MTUS2: variants seen among roughly 807,000 people sequenced by gnomAD.
The protein encoded by MTUS2 is microtubule-associated tumor suppressor candidate 2.
A neutral mutation model predicts 114.1 loss-of-function variants in MTUS2; 40 were observed. The observed-to-expected ratio is 0.35, with a 90% CI of 0.27 to 0.46. The LOEUF (loss-of-function observed/expected upper bound fraction) is 0.46. MTUS2 is among the 20% of genes least tolerant of loss of function. MTUS2 has a pLI of 1.00. For missense variants in MTUS2, 1,679 were observed against 1,705.4 expected, an observed-to-expected ratio of 0.98 and a Z score of 0.27; for synonymous variants, 688 against 672.0, an observed-to-expected ratio of 1.02 and a Z score of -0.37.
intron 2 of MTUS2, among the ~76,000 whole-genome samples, chr13:29,001,493 G>A (rs1885383084): frequency 6.6e-6 from 1 of 152,192 alleles, no homozygotes; most frequent in Non-Finnish European, 1.5e-5. Context: ...CTGAGCAAAT[G>A]GAAGGATGAG....
chr13:29,119,292 G>T (rs775792007), intron 5 of MTUS2, among the ~76,000 whole-genome samples: 2 of 152,098 alleles, frequency 1.3e-5, no homozygotes, highest in African/African-American at 2.4e-5. Context: ...CTAAATAGTG[G>T]TAAGGTTATA....
At chr13:29,029,128 A>G (rs577023678) in intron 3 of MTUS2, among the ~76,000 whole-genome samples, 2 of 152,274 alleles carry the variant, frequency 1.3e-5, no homozygotes, top group South Asian at 4.1e-4. Flanking sequence ...ACCAAATCAC[A>G]CAGCTTGCTC....
At chr13:29,280,600 G>T (rs1221851394) in intron 5 of MTUS2, among the ~76,000 whole-genome samples, 2 of 152,224 alleles carry the variant, frequency 1.3e-5, no homozygotes, top group East Asian at 3.9e-4. Flanking sequence ...TAAATACAAT[G>T]TTTAGACTAA....
chr13:28,942,172 C>T (rs928267855), intron 2 of MTUS2, among the ~76,000 whole-genome samples: 43 of 151,942 alleles, frequency 2.8e-4, no homozygotes, highest in Non-Finnish European at 4.4e-4. Flanking sequence ...GAAATATCAG[C>T]AAAAGAGTTG....
chr13:29,179,685 T>C (rs1404036195), intron 5 of MTUS2, among the ~76,000 whole-genome samples: 3 of 152,242 alleles, frequency 2.0e-5, no homozygotes, highest in Non-Finnish European at 4.4e-5. Flanking sequence ...TATTTTTATT[T>C]GAAAAATCTG....
intron 8 of MTUS2, among the ~76,000 whole-genome samples, chr13:29,373,295 G>A (rs1216415151): frequency 3.3e-5 from 5 of 152,322 alleles, no homozygotes; most frequent in Non-Finnish European, 7.3e-5. Context: ...GCTTGCAGGA[G>A]CTGTGGTCCC....
chr13:29,343,229 G>T lies in MTUS2; in HGVS notation c.2906-16033G>T, dbSNP rs111971889. On this transcript the variant is annotated intron_variant, in intron 7 of 15. Coordinates refer to ENST00000612955, the MANE Select transcript of MTUS2 (RefSeq NM_001033602.4). ...CTTTTGAATTAGTGTCAATAGGATT[G>T]GTACCAGTTCTTCTTTGAACGTCTC... Among the ~76,000 whole-genome samples, 441 of 152,078 alleles carry T rather than the reference G, an allele frequency of 2.9e-3. 7 individuals carry two copies. Among genetic ancestry groups the T allele is most frequent in the Non-Finnish European group, 1.0e-3 (69 of 67,934 alleles).
intron 5 of MTUS2, among the ~76,000 whole-genome samples, chr13:29,218,976 A>AT (rs1231743804): frequency 9.7e-5 from 14 of 144,046 alleles, no homozygotes; most frequent in South Asian, 6.5e-4. Context: ...TGTCATATAT[A>AT]TTTTTTTTAT....
At chr13:29,124,269 T>A (rs990861731) in intron 5 of MTUS2, among the ~76,000 whole-genome samples, 1 of 152,222 alleles carries the variant, frequency 6.6e-6, no homozygotes, top group South Asian at 2.1e-4. Context: ...ATACTGATAT[T>A]CTAATTTAAT....
rs1035850009 is a variant in MTUS2 at position 28,908,177 on chromosome 13, C to T, written c.-243+68327C>T. 3.0e-4 allele frequency among the ~76,000 whole-genome samples: 46 copies of T among 151,456 alleles called. 1 individual carries two copies. The highest frequency in any genetic ancestry group is 8.3e-4 in the African/African-American group (34 of 41,064). ...TTATTATACTTTAAGTTTTAGGGTA[C>T]GTGTACACAACATGCAGGTTAGTTA... On this transcript the variant is annotated intron_variant, in intron 2 of 15. Coordinates refer to ENST00000612955, the MANE Select transcript of MTUS2 (RefSeq NM_001033602.4).
At chr13:29,043,171 A>C (rs995044209) in intron 4 of MTUS2, among the ~76,000 whole-genome samples, 1 of 152,026 alleles carries the variant, frequency 6.6e-6, no homozygotes, top group African/African-American at 2.4e-5. Context: ...TTTAATTTCT[A>C]TCTTGATTTC....
At chr13:28,913,123 C>G (rs751213920) in intron 2 of MTUS2, among the ~76,000 whole-genome samples, 3 of 152,046 alleles carry the variant, frequency 2.0e-5, no homozygotes, top group Non-Finnish European at 2.9e-5. Flanking sequence ...TTGCCTGATT[C>G]CCCTGGCCAG....
intron 8 of MTUS2, among the ~76,000 whole-genome samples, chr13:29,365,379 T>C (rs1352953283): frequency 2.0e-5 from 3 of 152,158 alleles, no homozygotes; most frequent in East Asian, 3.9e-4. Context: ...CCCACCTCTA[T>C]TGATGATAAT....
chr13:29,464,687 A>G (rs1488119152), intron 9 of MTUS2, among the ~76,000 whole-genome samples: 2 of 152,102 alleles, frequency 1.3e-5, no homozygotes, highest in Non-Finnish European at 2.9e-5. Flanking sequence ...CAGCTAATTC[A>G]CAACCTGAAT....
chr13:29,238,058 C>T (rs1452477869), intron 5 of MTUS2, among the ~76,000 whole-genome samples: 1 of 152,194 alleles, frequency 6.6e-6, no homozygotes, highest in Non-Finnish European at 1.5e-5. Flanking sequence ...AACCTCATGA[C>T]AGGGTATATA....
Position 28,957,455 on chromosome 13 carries a change from C to T in MTUS2, c.-242-67002C>T, listed in dbSNP as rs914806564. 5.9e-5 allele frequency among the ~76,000 whole-genome samples: 9 copies of T among 152,270 alleles called. No homozygotes were observed. The East Asian group carries it at 1.7e-3, about 29-fold the overall frequency. On this transcript the variant is annotated intron_variant, in intron 2 of 15. Coordinates refer to ENST00000612955, the MANE Select transcript of MTUS2 (RefSeq NM_001033602.4). ...CATCCAACTGTGGATTGAAAATATT[C>T]AGAAAAAAGGAGGATTGCATCTATA... is the stretch of plus-strand genomic sequence containing the variant.
chr13:28,882,408 C>A (rs962430558), intron 2 of MTUS2, among the ~76,000 whole-genome samples: 1 of 152,108 alleles, frequency 6.6e-6, no homozygotes, highest in African/African-American at 2.4e-5. Flanking sequence ...GATATAACAC[C>A]GAAAGCATGG....
intron 2 of MTUS2, among the ~76,000 whole-genome samples, chr13:28,930,236 T>A (rs180849738): frequency 5.9e-5 from 9 of 152,338 alleles, no homozygotes; most frequent in Admixed American, 5.9e-4. Flanking sequence ...AGAAAAATGA[T>A]GTTATGTTTT....
chr13:29,138,233 A>G (rs907782340), intron 5 of MTUS2, among the ~76,000 whole-genome samples: 3 of 152,020 alleles, frequency 2.0e-5, no homozygotes, highest in African/African-American at 7.2e-5. Context: ...ATTGACCAAA[A>G]TTAACTACAA....
Sources: allele counts gnomAD v4.1 joint callset (sites outside exome capture counted in the v4.1 genomes callset), GRCh38; gene constraint gnomAD v4.1.1; transcripts MANE v1.5; gene names NCBI Gene and HGNC (gene_info 2026-07-23, HGNC 2026-07-21).